Variants in GLIS3 observed in about 807,000 individuals in gnomAD.
The protein encoded by GLIS3 is zinc finger protein GLIS3.
GLIS3 carries 53 observed loss-of-function variants against 78.6 expected under a neutral mutation model. That is an observed-to-expected ratio of 0.67 (90% CI 0.54 to 0.85). The LOEUF (loss-of-function observed/expected upper bound fraction) is 0.85. Ranked by LOEUF, GLIS3 falls within the 40% of genes least tolerant of loss-of-function variation. The pLI, the probability that GLIS3 is intolerant of heterozygous loss-of-function variation, is 0.00. For synonymous variants in GLIS3, 684 were observed against 509.9 expected (o/e 1.34, Z -4.60); for missense variants, 1,703 against 1,231.1 (o/e 1.38, Z -5.74).
intron 4 of GLIS3, among the ~76,000 whole-genome samples, chr9:4,001,690 G>A (rs1563936038): frequency 6.6e-6 from 1 of 152,142 alleles, no homozygotes; most frequent in Non-Finnish European, 1.5e-5. Context: ...TAAGCAGTCA[G>A]TCATCATATC....
intron 2 of GLIS3, among the ~76,000 whole-genome samples, chr9:4,156,095 T>TAAA (rs370358262): frequency 6.7e-6 from 1 of 148,382 alleles, no homozygotes; most frequent in African/African-American, 2.5e-5. Flanking sequence ...AGCAATGGAT[T>TAAA]AAAAAAAAAA....
chr9:4,146,732 C>G (rs1233271720), intron 2 of GLIS3, among the ~76,000 whole-genome samples: 3 of 152,194 alleles, frequency 2.0e-5, no homozygotes, highest in East Asian at 3.8e-4. Context: ...CGCCTATTCT[C>G]CATCCTAAAT....
intron 2 of GLIS3, among the ~76,000 whole-genome samples, chr9:4,242,506 C>A (rs1363435048): frequency 1.3e-5 from 2 of 152,206 alleles, no homozygotes; most frequent in African/African-American, 4.8e-5. Context: ...ATTCCGGCTA[C>A]CTGCTGGGCA....
intron 4 of GLIS3, among the ~76,000 whole-genome samples, chr9:3,967,204 T>A (rs1818021080): frequency 6.6e-6 from 1 of 152,110 alleles, no homozygotes; most frequent in Non-Finnish European, 1.5e-5. Context: ...TCAATTTTTC[T>A]TTAAAAATTC....
upstream of GLIS3, among the ~76,000 whole-genome samples, chr9:4,304,331 A>T (rs911881378): frequency 5.9e-5 from 9 of 152,168 alleles, no homozygotes; most frequent in African/African-American, 2.2e-4. Flanking sequence ...ACAATGTGAT[A>T]TGAAGTAGCT....
At chr9:3,895,800 C>T (rs1373179504) in intron 7 of GLIS3, among the ~76,000 whole-genome samples, 1 of 152,196 alleles carries the variant, frequency 6.6e-6, no homozygotes, top group African/African-American at 2.4e-5. Context: ...GACTTCTTCA[C>T]ACCACAAGTC....
chr9:4,348,611 T>C (rs374588092), upstream of GLIS3, among the ~76,000 whole-genome samples: 2 of 152,352 alleles, frequency 1.3e-5, no homozygotes, highest in East Asian at 3.9e-4. Flanking sequence ...ATATGGGTTA[T>C]CTTATTATGA....
intron 4 of GLIS3, among the ~76,000 whole-genome samples, chr9:4,036,593 G>A (rs1365273616): frequency 1.3e-5 from 2 of 152,132 alleles, no homozygotes; most frequent in African/African-American, 4.8e-5. Flanking sequence ...AAGAGTGCTA[G>A]AGGAAAAACA....
chr9:4,409,346 T>C, the GLIS3 span, among the ~76,000 whole-genome samples: 3 of 152,174 alleles, frequency 2.0e-5, no homozygotes, highest in African/African-American at 4.8e-5. Flanking sequence ...GTGAGGGAAA[T>C]GGGACGTCAG....
intron 4 of GLIS3, among the ~76,000 whole-genome samples, chr9:4,044,870 G>C (rs77480916): frequency 0.027 from 4,125 of 152,114 alleles, 183 homozygotes; most frequent in African/African-American, 0.092. Context: ...AAGTCCCCCA[G>C]GATAATAGAA....
chr9:3,855,785 G>A (rs1819742092), intron 9 of GLIS3: 8 of 547,202 alleles, frequency 1.5e-5, no homozygotes, highest in Non-Finnish European at 2.3e-5. Flanking sequence ...AGCAACTTGA[G>A]CTGACCAGTG....
chr9:4,191,749 G>A (rs1267568957), intron 2 of GLIS3, among the ~76,000 whole-genome samples: 2 of 152,126 alleles, frequency 1.3e-5, no homozygotes, highest in African/African-American at 4.8e-5. Context: ...AATGAATTGA[G>A]GAACGTGGTT....
At chr9:4,310,591 C>G (rs1415670803) in intron 2 of GLIS3, 3 of 152,302 alleles carry the variant, frequency 2.0e-5, no homozygotes, top group Non-Finnish European at 4.4e-5. Flanking sequence ...CCCTCCCTGC[C>G]TCCAAAGCTA....
intron 4 of GLIS3, among the ~76,000 whole-genome samples, chr9:4,307,551 A>C (rs1563927292): frequency 6.6e-6 from 1 of 151,928 alleles, no homozygotes; most frequent in Non-Finnish European, 1.5e-5. Context: ...ATCCCAACAA[A>C]AAAAAATCCA....
chr9:4,098,766 G>T (rs371464317), intron 4 of GLIS3, among the ~76,000 whole-genome samples: 4 of 152,054 alleles, frequency 2.6e-5, no homozygotes, highest in Non-Finnish European at 5.9e-5. Flanking sequence ...CAAGGATCAC[G>T]ATTTAAATAA....
chr9:4,413,493 A>G, the GLIS3 span, among the ~76,000 whole-genome samples: 2 of 152,088 alleles, frequency 1.3e-5, no homozygotes, highest in Admixed American at 6.6e-5. Flanking sequence ...TCAGCTGTGT[A>G]TTGTCTCAAA....
chr9:4,103,390 A>G lies in GLIS3; in HGVS notation c.1710+14378T>C, dbSNP rs560224913. ...ATCAATACCATGGAGACATTACCAG[A>G]GCAGGCACTCTAAGGAGAAGCCCGG... is the stretch of plus-strand genomic sequence containing the variant. On this transcript the variant is annotated intron_variant, in intron 4 of 10. Transcript: ENST00000381971. Among the ~76,000 whole-genome samples, 3 of 152,246 alleles carry G rather than the reference A, an allele frequency of 2.0e-5. No individual in the cohort carries two copies. The South Asian group carries it at 6.2e-4, about 32-fold the overall frequency.
At chr9:4,277,218 G>C (rs1294652361) in intron 2 of GLIS3, among the ~76,000 whole-genome samples, 2 of 152,162 alleles carry the variant, frequency 1.3e-5, no homozygotes, top group African/African-American at 4.8e-5. Context: ...ATAAACCTAA[G>C]TAAAGGAAAT....
the GLIS3 span, among the ~76,000 whole-genome samples, chr9:4,392,963 TCTTAA>T: frequency 6.6e-6 from 1 of 152,000 alleles, no homozygotes; most frequent in East Asian, 1.9e-4. Flanking sequence ...ACATATTGGA[TCTTAA>T]CTTGTTTTTT....
Sources: gnomAD v4.1 joint callset for allele counts (sites outside exome capture counted in the v4.1 genomes callset) on GRCh38, gnomAD v4.1.1 for gene constraint, MANE v1.5 for transcripts, NCBI Gene and HGNC (gene_info 2026-07-23, HGNC 2026-07-21) for gene names.